ITPKB: variants seen among roughly 807,000 people sequenced by gnomAD.
The protein encoded by ITPKB is IP3 3-kinase B.
A neutral mutation model predicts 69.4 loss-of-function variants in ITPKB; 13 were observed. The observed-to-expected ratio is 0.19, with a 90% CI of 0.12 to 0.30. The LOEUF (loss-of-function observed/expected upper bound fraction) is 0.30, where lower values mean the gene tolerates loss of function less well. Ranked by LOEUF, ITPKB falls within the 10% of genes least tolerant of loss-of-function variation. The pLI is 1.00. For missense variants in ITPKB, 1,240 were observed against 1,250.5 expected, an observed-to-expected ratio of 0.99 and a Z score of 0.13; for synonymous variants, 584 against 513.7, an observed-to-expected ratio of 1.14 and a Z score of -1.85.
In ITPKB at chr1:226,633,849, T is replaced by G. The variant is rs1458433111; in HGVS notation, c.*822A>C. ...CTCCCTGGGGCCAGGGCCCAGAGAC[T>G]CTATAGATCCCATCTTCCCCTGGTA... is the stretch of plus-strand genomic sequence containing the variant. On this transcript the variant is annotated 3_prime_UTR_variant, in exon 8 of 8. Coordinates refer to ENST00000429204, the MANE Select transcript of ITPKB (RefSeq NM_002221.4). 2 of 152,190 alleles carry G rather than the reference T, an allele frequency of 1.3e-5. No homozygotes were observed. The highest frequency in any genetic ancestry group is 1.9e-4 in the East Asian group (1 of 5,180). 9.4% of individuals were successfully genotyped at this position (152,190 alleles called of 1,614,324 possible).
intron 2 of ITPKB, among the ~76,000 whole-genome samples, chr1:226,715,945 G>C (rs535447403): frequency 6.6e-6 from 1 of 152,306 alleles, no homozygotes; most frequent in East Asian, 1.9e-4. Flanking sequence ...TGAGTAGCTA[G>C]GACTACAGGT....
At chr1:226,636,752 CTGTGTGTGTGTGTGTGTGTGTG>C (rs3831353) in intron 7 of ITPKB, among the ~76,000 whole-genome samples, 1 of 139,990 alleles carries the variant, frequency 7.1e-6, no homozygotes, top group Non-Finnish European at 1.5e-5. Flanking sequence ...GACTGCAGCT[CTGTGTGTGTGTGTGTGTGTGTG>C]TGTGTGTGTG....
chr1:226,726,880 A>G (rs1404816262), intron 2 of ITPKB, among the ~76,000 whole-genome samples: 1 of 152,184 alleles, frequency 6.6e-6, no homozygotes, highest in African/African-American at 2.4e-5. Flanking sequence ...CCCTTGGCTC[A>G]GCAATCTGGG....
rs748794800 is a variant in ITPKB, at chr1:226,634,916, C to T, written c.2626-30G>A. 2 of 1,575,522 alleles carry T rather than the reference C, an allele frequency of 1.3e-6. No individual in the cohort carries two copies. Among genetic ancestry groups the T allele is most frequent in the African/African-American group, 2.7e-5 (2 of 74,244 alleles). On this transcript the variant is annotated intron_variant, in intron 7 of 7. Transcript: ENST00000429204. The surrounding 1 kb of genome is among the most constrained non-coding windows in gnomAD (Gnocchi z 6.3). The stretch of plus-strand genomic sequence containing the variant: ...GGAGAACATGGGGGTGAAGGGTGAG[C>T]TGAAGCCCGGGCCTCGCCCTCCCCA...
In ITPKB at chr1:226,736,144, G is replaced by A. The variant is rs775417113; in HGVS notation, c.1315C>T (p.Leu439Phe). ...GAPVGGGRWQ[L>F]SDRVEGGSPT... ...GACCCTCCCTCCACTCTGTCGGAGA[G>A]CTGCCAACGCCCCCCGCCCACGGGG... The change falls in exon 2 of 8, where the codon CTC becomes TTC. Residue 439 changes from leucine (L) to phenylalanine (F), a missense_variant. Leu to Phe is a conservative substitution (Grantham distance 22). Transcript: ENST00000429204. The A allele has an allele frequency of 6.4e-7, 1 of 1,571,344 alleles. No homozygotes were observed. Among genetic ancestry groups the A allele is most frequent in the Non-Finnish European group, 8.6e-7 (1 of 1,157,916 alleles).
intron 2 of ITPKB, among the ~76,000 whole-genome samples, chr1:226,727,677 G>A (rs960070728): frequency 6.6e-6 from 1 of 152,150 alleles, no homozygotes. Context: ...AAAGAAAACT[G>A]CTGTCATTGC....
chr1:226,725,077 T>C (rs538624612), intron 2 of ITPKB, among the ~76,000 whole-genome samples: 1 of 152,380 alleles, frequency 6.6e-6, no homozygotes, highest in East Asian at 1.9e-4. Flanking sequence ...TGAAGCTTTC[T>C]GCATTGTGCA....
In ITPKB at chr1:226,738,288, C is replaced by T. The variant is rs1571886010; in HGVS notation, c.-205-625G>A. Among the ~76,000 whole-genome samples, 3 of 152,308 alleles carry T rather than the reference C, an allele frequency of 2.0e-5. No homozygotes were observed. In the East Asian group the frequency reaches 5.8e-4, roughly 29 times the overall value. Reference sequence around the variant, plus strand: ...CCTTGGGGCTGTGTCTCTCGGCCTACGAAGGCCTGGGCGGGCAGCGGGGCC... The same window carrying T: ...CCTTGGGGCTGTGTCTCTCGGCCTATGAAGGCCTGGGCGGGCAGCGGGGCC... On this transcript the variant is annotated intron_variant, in intron 1 of 7. Transcript: ENST00000429204. The surrounding 1 kb of genome is among the most constrained non-coding windows in gnomAD (Gnocchi z 4.2).
Position 226,642,726 on chromosome 1 carries a change from C to G in ITPKB, c.2247-601G>C, listed in dbSNP as rs1333697443. ...GGTCTACTCAGGGCCCCACTAGATC[C>G]CCTTGGCTGCCTCGGCCCTTCCATA... is the stretch of plus-strand genomic sequence containing the variant. On this transcript the variant is annotated intron_variant, in intron 4 of 7. Transcript: ENST00000429204. This position sits in a 1 kb window ranked among gnomAD's most constrained non-coding sequence, Gnocchi z 6.4. 1.3e-5 allele frequency among the ~76,000 whole-genome samples: 2 copies of G among 152,082 alleles called. No individual in the cohort carries two copies. The highest frequency in any genetic ancestry group is 3.9e-4 in the East Asian group (2 of 5,168).
intron 2 of ITPKB, among the ~76,000 whole-genome samples, chr1:226,686,533 C>T (rs1210721147): frequency 6.6e-6 from 1 of 152,232 alleles, no homozygotes; most frequent in Non-Finnish European, 1.5e-5. Context: ...CCCAAAGCTC[C>T]TGCCCTGCCT....
chr1:226,682,417 C>T lies in ITPKB; in HGVS notation c.1933-33646G>A, dbSNP rs1656114241. 3.3e-5 allele frequency among the ~76,000 whole-genome samples: 5 copies of T among 152,300 alleles called. No individual in the cohort carries two copies. The South Asian group carries it at 8.3e-4, about 25-fold the overall frequency. The stretch of plus-strand genomic sequence containing the variant: ...TGCAAGGCAAGGTAGCAACATAGAG[C>T]AAAGGGTTTGGAGCAAAGCAAGCAG... On this transcript the variant is annotated intron_variant, in intron 2 of 7. Coordinates refer to ENST00000429204, the MANE Select transcript of ITPKB (RefSeq NM_002221.4).
intron 2 of ITPKB, among the ~76,000 whole-genome samples, chr1:226,715,302 C>T (rs542211240): frequency 1.4e-3 from 208 of 152,318 alleles, no homozygotes; most frequent in Non-Finnish European, 2.0e-3. Flanking sequence ...GCTAGTTAGT[C>T]GCAGGTAGTA....
chr1:226,725,589 A>G (rs1392106885), intron 2 of ITPKB, among the ~76,000 whole-genome samples: 1 of 152,234 alleles, frequency 6.6e-6, no homozygotes, highest in Non-Finnish European at 1.5e-5. Context: ...CTCAAACTCT[A>G]GAGTGCAGTG....
At chr1:226,675,509 GGGA>G (rs1669714825) in intron 2 of ITPKB, among the ~76,000 whole-genome samples, 1 of 152,174 alleles carries the variant, frequency 6.6e-6, no homozygotes, top group Non-Finnish European at 1.5e-5. Flanking sequence ...AGGAGCTGTG[GGGA>G]GGAGGAAGGA....
intron 2 of ITPKB, among the ~76,000 whole-genome samples, chr1:226,715,307 G>A (rs563604784): frequency 6.6e-6 from 1 of 152,346 alleles, no homozygotes; most frequent in African/African-American, 2.4e-5. Context: ...TTAGTCGCAG[G>A]TAGTAGATAA....
intron 2 of ITPKB, among the ~76,000 whole-genome samples, chr1:226,681,419 A>C (rs1377486598): frequency 6.6e-6 from 1 of 152,202 alleles, no homozygotes; most frequent in African/African-American, 2.4e-5. Context: ...ATTATGCAAG[A>C]CAGCTTGTGT....
intron 2 of ITPKB, among the ~76,000 whole-genome samples, chr1:226,706,295 C>T (rs562997998): frequency 8.8e-4 from 134 of 152,142 alleles, no homozygotes; most frequent in Non-Finnish European, 1.1e-3. Context: ...ATAGTGAAAC[C>T]CATTGGGCTG....
chr1:226,702,875 C>T (rs143749224), intron 2 of ITPKB, among the ~76,000 whole-genome samples: 87 of 152,296 alleles, frequency 5.7e-4, no homozygotes, highest in African/African-American at 1.9e-3. Context: ...CTCCTTCCAA[C>T]CTCAAGGAAC....
At chr1:226,698,636 AG>A (rs762952773) in intron 2 of ITPKB, among the ~76,000 whole-genome samples, 1 of 152,252 alleles carries the variant, frequency 6.6e-6, no homozygotes, top group African/African-American at 2.4e-5. Context: ...CCTCAAAGTT[AG>A]GTAACTATTG....
Sources: gnomAD v4.1 joint callset for allele counts (sites outside exome capture counted in the v4.1 genomes callset) on GRCh38, gnomAD v4.1.1 for gene constraint, Gnocchi (gnomAD v3.1) non-coding constraint, MANE v1.5 for transcripts, NCBI Gene and HGNC (gene_info 2026-07-23, HGNC 2026-07-21) for gene names.